Variants in MMP16 observed in about 807,000 individuals in gnomAD.
MMP16 encodes the protein matrix metalloproteinase-16.
MMP16 carries 12 observed loss-of-function variants against 67.8 expected under a neutral mutation model. The observed-to-expected ratio is 0.18, with a 90% CI of 0.11 to 0.29. The LOEUF (loss-of-function observed/expected upper bound fraction) is 0.29, where lower values mean the gene tolerates loss of function less well. MMP16 is among the 10% of genes least tolerant of loss of function. MMP16 has a pLI of 1.00. For synonymous variants in MMP16, 249 were observed against 255.9 expected, an observed-to-expected ratio of 0.97 and a Z score of 0.26; for missense variants, 475 against 765.7, an observed-to-expected ratio of 0.62 and a Z score of 4.48.
At chr8:88,230,193 C>G (rs1239616926) in intron 1 of MMP16, among the ~76,000 whole-genome samples, 1 of 152,074 alleles carries the variant, frequency 6.6e-6, no homozygotes, top group Admixed American at 6.6e-5. Flanking sequence ...CACTTATTGC[C>G]AGGCTACACC....
At chr8:88,061,348 G>GT (rs1487909347) in intron 7 of MMP16, among the ~76,000 whole-genome samples, 2 of 152,038 alleles carry the variant, frequency 1.3e-5, no homozygotes, top group Non-Finnish European at 2.9e-5. Context: ...CTATACCTCA[G>GT]TGACTTATTG....
chr8:88,253,439 T>C (rs957558973), intron 1 of MMP16, among the ~76,000 whole-genome samples: 3 of 152,098 alleles, frequency 2.0e-5, no homozygotes, highest in Non-Finnish European at 4.4e-5. Flanking sequence ...CAGTGATAAG[T>C]CATGTTAACA....
intron 4 of MMP16, among the ~76,000 whole-genome samples, chr8:88,134,506 AT>A (rs201036653): frequency 4.0e-5 from 6 of 150,642 alleles, no homozygotes; most frequent in Middle Eastern, 3.4e-3. Flanking sequence ...TTGTAAGCCA[AT>A]TTTTTTTTCA....
intron 6 of MMP16, among the ~76,000 whole-genome samples, chr8:88,102,781 G>A (rs1219440263): frequency 6.6e-6 from 1 of 151,754 alleles, no homozygotes; most frequent in Non-Finnish European, 1.5e-5. Flanking sequence ...GTATGTCAGG[G>A]TCCAAGACCA....
chr8:88,208,782 C>T (rs1586205815), intron 1 of MMP16, among the ~76,000 whole-genome samples: 2 of 116,110 alleles, frequency 1.7e-5, no homozygotes, highest in African/African-American at 6.3e-5. Context: ...ATGATGCAGC[C>T]AATCAAGGAA....
At chr8:88,165,393 A>G (rs1328304545) in intron 4 of MMP16, among the ~76,000 whole-genome samples, 1 of 151,934 alleles carries the variant, frequency 6.6e-6, no homozygotes, top group Non-Finnish European at 1.5e-5. Context: ...ACAGATTTAC[A>G]ATTGTTTTAA....
intron 8 of MMP16, among the ~76,000 whole-genome samples, chr8:88,051,219 C>A (rs1808265974): frequency 6.6e-6 from 1 of 152,202 alleles, no homozygotes; most frequent in Non-Finnish European, 1.5e-5. Context: ...CATATTTGAG[C>A]TTATGTCAAC....
At chr8:88,083,336 A>C (rs544346697) in intron 6 of MMP16, among the ~76,000 whole-genome samples, 1 of 152,194 alleles carries the variant, frequency 6.6e-6, no homozygotes, top group East Asian at 1.9e-4. Flanking sequence ...TATTAGAAGG[A>C]ATCAGGGCTT....
intron 4 of MMP16, among the ~76,000 whole-genome samples, chr8:88,133,391 G>T (rs556182601): frequency 6.6e-6 from 1 of 151,822 alleles, no homozygotes; most frequent in Non-Finnish European, 1.5e-5. Context: ...CTTTATCATT[G>T]TCTTGTCCAC....
chr8:88,260,706 T>C (rs1318241652), intron 1 of MMP16, among the ~76,000 whole-genome samples: 1 of 152,142 alleles, frequency 6.6e-6, no homozygotes, highest in Non-Finnish European at 1.5e-5. Flanking sequence ...AACATTCAGA[T>C]GAACCTGAAC....
At chr8:88,210,973 T>C (rs948935792) in intron 1 of MMP16, among the ~76,000 whole-genome samples, 2 of 152,130 alleles carry the variant, frequency 1.3e-5, no homozygotes, top group Admixed American at 1.3e-4. Context: ...ATCTTCATTT[T>C]ACAAATGAGG....
At chr8:88,214,142 C>G (rs1472880401) in intron 1 of MMP16, among the ~76,000 whole-genome samples, 1 of 152,176 alleles carries the variant, frequency 6.6e-6, no homozygotes, top group African/African-American at 2.4e-5. Context: ...AAGATGAACT[C>G]TCTCCAGAAC....
In MMP16 at chr8:88,280,036, C is replaced by T. The variant is rs531343767; in HGVS notation, c.132+47039G>A. On this transcript the variant is annotated intron_variant, in intron 1 of 9. Coordinates refer to ENST00000286614, the MANE Select transcript of MMP16 (RefSeq NM_005941.5). ...CAGAGATCTCCCCAACATTTCCCTC[C>T]CTCCCACATCTCTCATGACCAAGCG... Among the ~76,000 whole-genome samples, 6 of 152,258 alleles carry T rather than the reference C, an allele frequency of 3.9e-5. No homozygotes were observed. In the East Asian group the frequency reaches 1.2e-3, roughly 29 times the overall value.
chr8:88,261,994 G>A (rs903185702), intron 1 of MMP16, among the ~76,000 whole-genome samples: 2 of 152,128 alleles, frequency 1.3e-5, no homozygotes, highest in Non-Finnish European at 1.5e-5. Flanking sequence ...AAGGTCTAAA[G>A]ACTATGAGCT....
intron 1 of MMP16, among the ~76,000 whole-genome samples, chr8:88,261,969 G>T (rs1452206568): frequency 6.6e-6 from 1 of 152,086 alleles, no homozygotes; most frequent in African/African-American, 2.4e-5. Flanking sequence ...AGGTTACTTA[G>T]GTAGAATGTT....
intron 4 of MMP16, among the ~76,000 whole-genome samples, chr8:88,136,625 T>G (rs1344531448): frequency 6.6e-6 from 1 of 151,302 alleles, no homozygotes; most frequent in Non-Finnish European, 1.5e-5. Context: ...AAATTCATAT[T>G]AAACAAAATA....
chr8:88,060,039 A>G (rs181258907), intron 7 of MMP16, among the ~76,000 whole-genome samples: 79 of 151,980 alleles, frequency 5.2e-4, no homozygotes, highest in African/African-American at 1.8e-3. Context: ...AGGGGCCAGC[A>G]GGCAAGTGTA....
At chr8:88,226,911 T>G (rs1012788208) in intron 1 of MMP16, among the ~76,000 whole-genome samples, 61 of 139,632 alleles carry the variant, frequency 4.4e-4, no homozygotes, top group African/African-American at 1.2e-3. Flanking sequence ...TATTTATTTA[T>G]TCTCTCGGAA....
intron 1 of MMP16, among the ~76,000 whole-genome samples, chr8:88,295,718 G>T (rs10091585): frequency 1 from 152,272 of 152,310 alleles, 76,117 homozygotes; most frequent in Non-Finnish European, 1. Flanking sequence ...GTTCTCCAAC[G>T]CTTAATCTGT....
Sources: allele counts gnomAD v4.1 joint callset (sites outside exome capture counted in the v4.1 genomes callset), GRCh38; gene constraint gnomAD v4.1.1; transcripts MANE v1.5; gene names NCBI Gene and HGNC (gene_info 2026-07-23, HGNC 2026-07-21).